RAD51B: variants seen among roughly 807,000 people sequenced by gnomAD.
The protein encoded by RAD51B is RAD51 paralog B, also known as DNA repair protein RAD51 homolog 2.
RAD51B carries 38 observed loss-of-function variants against 42.2 expected under a neutral mutation model. That is an observed-to-expected ratio of 0.90 (90% CI 0.70 to 1.18). The LOEUF is 1.18. RAD51B is among the 50% of genes most tolerant of loss of function. The pLI is 0.00. For synonymous variants in RAD51B, 154 were observed against 145.2 expected (o/e 1.06, Z -0.43); for missense variants, 373 against 400.7 (o/e 0.93, Z 0.59).
intron 7 of RAD51B, among the ~76,000 whole-genome samples, chr14:67,968,431 T>C (rs757227117): frequency 2.0e-5 from 3 of 152,204 alleles, no homozygotes; most frequent in Non-Finnish European, 2.9e-5. Context: ...TTATGCTCTG[T>C]TTCCTTTTAA....
intron 7 of RAD51B, among the ~76,000 whole-genome samples, chr14:67,925,884 C>T (rs2044489897): frequency 1.3e-5 from 2 of 152,196 alleles, no homozygotes; most frequent in Non-Finnish European, 2.9e-5. Flanking sequence ...CTTGATCTCT[C>T]ATTGGCTCCT....
chr14:67,833,404 G>A (rs1488777637), intron 3 of RAD51B, among the ~76,000 whole-genome samples: 1 of 152,118 alleles, frequency 6.6e-6, no homozygotes, highest in African/African-American at 2.4e-5. Flanking sequence ...TTTCAGAATT[G>A]TATTATATTG....
chr14:68,155,100 C>T (rs1267564393), intron 7 of RAD51B, among the ~76,000 whole-genome samples: 2 of 151,870 alleles, frequency 1.3e-5, no homozygotes, highest in South Asian at 2.1e-4. Flanking sequence ...AAGACATGTA[C>T]AAGCTACTAG....
chr14:68,592,253 ATGTG>A (rs55833641), intron 10 of RAD51B, among the ~76,000 whole-genome samples: 21,043 of 139,916 alleles, frequency 0.15, 1,523 homozygotes, highest in Middle Eastern at 0.17. Flanking sequence ...GTAGGCAATG[ATGTG>A]TGTGTGTGTG....
At chr14:68,134,022 G>A (rs1415387326) in intron 7 of RAD51B, among the ~76,000 whole-genome samples, 1 of 152,006 alleles carries the variant, frequency 6.6e-6, no homozygotes, top group Non-Finnish European at 1.5e-5. Context: ...GTCATCATGC[G>A]TAGCTTTGAA....
intron 10 of RAD51B, among the ~76,000 whole-genome samples, chr14:68,512,613 A>G (rs1885809926): frequency 6.6e-6 from 1 of 152,130 alleles, no homozygotes; most frequent in Non-Finnish European, 1.5e-5. Flanking sequence ...GCAGTCATGC[A>G]TGCATGCATT....
At chr14:68,204,771 AT>A (rs2079553531) in intron 7 of RAD51B, among the ~76,000 whole-genome samples, 1 of 152,232 alleles carries the variant, frequency 6.6e-6, no homozygotes, top group Non-Finnish European at 1.5e-5. Flanking sequence ...TCTACAAATT[AT>A]TTTTATTTGT....
intron 10 of RAD51B, among the ~76,000 whole-genome samples, chr14:68,586,362 T>C (rs17829192): frequency 0.085 from 13,010 of 152,260 alleles, 729 homozygotes; most frequent in South Asian, 0.22. Context: ...CTTTATTTTT[T>C]ACCAAGGCGA....
At chr14:67,953,879 G>A (rs1447816998) in intron 7 of RAD51B, among the ~76,000 whole-genome samples, 1 of 152,040 alleles carries the variant, frequency 6.6e-6, no homozygotes, top group Non-Finnish European at 1.5e-5. Context: ...ATGTGTAGGG[G>A]CATATGAGAA....
At chr14:67,824,254 C>A (rs1028180877) in intron 2 of RAD51B, among the ~76,000 whole-genome samples, 8 of 151,828 alleles carry the variant, frequency 5.3e-5, no homozygotes, top group African/African-American at 1.9e-4. Context: ...AGGATTTTAT[C>A]CTTTTTTTGT....
chr14:68,681,972 A>G (rs1893440582), intron 11 of RAD51B, among the ~76,000 whole-genome samples: 1 of 151,916 alleles, frequency 6.6e-6, no homozygotes, highest in African/African-American at 2.4e-5. Context: ...TGCTTGGGTG[A>G]TGGGAGCATC....
At chr14:68,293,009 G>A (rs1191329352) in intron 8 of RAD51B, among the ~76,000 whole-genome samples, 3 of 152,010 alleles carry the variant, frequency 2.0e-5, no homozygotes, top group Non-Finnish European at 4.4e-5. Flanking sequence ...ACTTCTTTCC[G>A]CATGTATCTT....
chr14:68,612,793 C>A (rs1409164696), downstream of RAD51B, among the ~76,000 whole-genome samples: 1 of 135,098 alleles, frequency 7.4e-6, no homozygotes, highest in East Asian at 2.2e-4. Context: ...TATATTTGAC[C>A]ATAAAAAGGA....
intron 10 of RAD51B, among the ~76,000 whole-genome samples, chr14:68,487,560 G>A (rs1594903148): frequency 6.6e-6 from 1 of 151,520 alleles, no homozygotes; most frequent in East Asian, 1.9e-4. Flanking sequence ...CCAGGCTGGG[G>A]TGCAGTGGCA....
At chr14:68,570,394 C>T (rs1042969988) in intron 10 of RAD51B, among the ~76,000 whole-genome samples, 1 of 152,230 alleles carries the variant, frequency 6.6e-6, no homozygotes, top group Non-Finnish European at 1.5e-5. Context: ...GAGAAACCAG[C>T]CTTGTCACTT....
chr14:68,352,924 A>G (rs117897939), intron 8 of RAD51B, among the ~76,000 whole-genome samples: 3,880 of 152,246 alleles, frequency 0.025, 72 homozygotes, highest in Admixed American at 0.034. Context: ...AAGGGTTTTG[A>G]TGGGAAAAGT....
At chr14:67,974,955 G>C (rs906679994) in intron 7 of RAD51B, among the ~76,000 whole-genome samples, 1 of 151,796 alleles carries the variant, frequency 6.6e-6, no homozygotes, top group African/African-American at 2.4e-5. Context: ...AATTATTTTT[G>C]GTCTTCAGTG....
In RAD51B at chr14:68,565,905, C is replaced by T. The variant is rs933871760; in HGVS notation, c.1037-28580C>T. On this transcript the variant is annotated intron_variant, in intron 10 of 10. Transcript: ENST00000487270. The surrounding 1 kb of genome is among the most constrained non-coding windows in gnomAD (Gnocchi z 4.1). ...GGAGGTGTCTGGCCACTCTCATCCC[C>T]GCCGGGCTCCAATGTGGCCACAAGC... Among the ~76,000 whole-genome samples, 1 of 152,164 alleles carries T rather than the reference C, an allele frequency of 6.6e-6. No individual in the cohort carries two copies. The highest frequency in any genetic ancestry group is 2.4e-5 in the African/African-American group (1 of 41,430).
chr14:68,386,972 G>A (rs549947753), intron 8 of RAD51B, among the ~76,000 whole-genome samples: 1 of 152,314 alleles, frequency 6.6e-6, no homozygotes, highest in East Asian at 1.9e-4. Context: ...ACCTAATAGA[G>A]TGGAATGAAC....
Sources: gnomAD v4.1 joint callset for allele counts (sites outside exome capture counted in the v4.1 genomes callset) on GRCh38, gnomAD v4.1.1 for gene constraint, Gnocchi (gnomAD v3.1) non-coding constraint, MANE v1.5 for transcripts, NCBI Gene and HGNC (gene_info 2026-07-23, HGNC 2026-07-21) for gene names.